TEX15: variants seen among roughly 807,000 people sequenced by gnomAD.
TEX15 encodes testis-expressed protein 15.
TEX15 carries 171 observed loss-of-function variants against 237.3 expected under a neutral mutation model. That is an observed-to-expected ratio of 0.72 (90% CI 0.64 to 0.82). The LOEUF is 0.82. Among genes scored for constraint, TEX15 ranks in the 40% least tolerant of loss-of-function variants. TEX15 has a pLI of 0.00. For synonymous variants in TEX15, 1,338 were observed against 1,269.8 expected (o/e 1.05, Z -1.14); for missense variants, 3,750 against 3,646.5 (o/e 1.03, Z -0.73).
In TEX15 at chr8:30,833,064, C is replaced by T. The variant is rs1807216077; in HGVS notation, c.*222G>A. 1 of 404,220 alleles carries T rather than the reference C, an allele frequency of 2.5e-6. No individual in the cohort carries two copies. The highest frequency in any genetic ancestry group is 4.3e-5 in the Admixed American group (1 of 23,050). The allele number at this position is 404,220 out of a possible 1,614,324, so 25.0% of individuals were successfully genotyped here. A position where few individuals can be genotyped will look rare whatever the true frequency, so the allele number is the denominator to read the frequency against. On this transcript the variant is annotated 3_prime_UTR_variant, in exon 11 of 11. Transcript: ENST00000643185. Reference sequence around the variant, plus strand: ...GCTTAACTTTGATCATATTACCCTCCCCTTATAATTGCATGGAAATAATTC... The same window carrying T: ...GCTTAACTTTGATCATATTACCCTCTCCTTATAATTGCATGGAAATAATTC...
Position 30,859,988 on chromosome 8 carries a change from G to C in TEX15, c.610C>G (p.Pro204Ala). Residue 204 changes from proline to alanine, a missense_variant, in exon 6 of 11, where the codon CCT becomes GCT. Transcript: ENST00000643185. ...DKNKVSLDPSPNFDCHMSRNA... is the reference protein window; with the variant it reads ...DKNKVSLDPSANFDCHMSRNA... ...CTTGACATATGGCAATCAAAGTTAG[G>C]AGAAGGATCCAAAGAAACTTTATTT... is the stretch of plus-strand genomic sequence containing the variant. 1 of 1,517,834 alleles carries C rather than the reference G, an allele frequency of 6.6e-7. No homozygotes were observed. Among genetic ancestry groups the C allele is most frequent in the Non-Finnish European group, 8.8e-7 (1 of 1,140,282 alleles). The allele number at this position is 1,517,834 out of a possible 1,614,324, so 94.0% of individuals were successfully genotyped here.
rs1263733631 is a variant in TEX15 at position 30,883,384 on chromosome 8, T to A, written c.136+3783A>T. On this transcript the variant is annotated intron_variant, in intron 3 of 10. Coordinates refer to ENST00000643185, the MANE Select transcript of TEX15 (RefSeq NM_001350162.2). ...TCAGTATTTTCTTTTTTTTTTAATT[T>A]TTTATTTTACTTTAAGTTCTGGGGT... Among the ~76,000 whole-genome samples, 3 of 152,270 alleles carry A rather than the reference T, an allele frequency of 2.0e-5. No homozygotes were observed. The East Asian group carries it at 5.8e-4, about 29-fold the overall frequency.
Position 30,847,262 on chromosome 8 carries a change from A to C in TEX15, c.2905T>G (p.Phe969Val). The change falls in exon 8 of 11, where the codon TTT becomes GTT. Residue 969 changes from phenylalanine to valine, a missense_variant. Coordinates refer to ENST00000643185, the MANE Select transcript of TEX15 (RefSeq NM_001350162.2). ...RSVEHLASTTFPKTASSSVCV... is the reference protein window; with the variant it reads ...RSVEHLASTTVPKTASSSVCV... ...ACTGAAGAACTTGCAGTTTTGGGAA[A>C]TGTCGTGGAAGCCAAATGCTCTACA... 2 of 1,613,878 alleles carry C rather than the reference A, an allele frequency of 1.2e-6. No individual in the cohort carries two copies. The highest frequency in any genetic ancestry group is 2.2e-5 in the South Asian group (2 of 91,066).
At chr8:30,839,430 T>TA (rs11350429) in intron 9 of TEX15, among the ~76,000 whole-genome samples, 42 of 149,808 alleles carry the variant, frequency 2.8e-4, no homozygotes, top group Middle Eastern at 3.5e-3. Flanking sequence ...ATGCACAAGT[T>TA]AAAAAAAAAA....
intron 4 of TEX15, among the ~76,000 whole-genome samples, chr8:30,871,100 C>T (rs986064711): frequency 6.6e-6 from 1 of 152,024 alleles, no homozygotes; most frequent in African/African-American, 2.4e-5. Flanking sequence ...ATCCATTCTT[C>T]TGCCTCCCTC....
In TEX15 at chr8:30,899,790, C is replaced by T. The variant is rs1004266792; in HGVS notation, c.-85-973G>A. ...GAGGCATTTAAACCCTAACTCTGAC[C>T]GTATGCACCATGGAGACAACAGAAA... On this transcript the variant is annotated intron_variant, in intron 1 of 10. Coordinates refer to ENST00000643185, the MANE Select transcript of TEX15 (RefSeq NM_001350162.2). Among the ~76,000 whole-genome samples, 8 of 152,078 alleles carry T rather than the reference C, an allele frequency of 5.3e-5. No individual in the cohort carries two copies. In the South Asian group the frequency reaches 6.2e-4, roughly 12 times the overall value.
At position 30,848,547 on chromosome 8, in the gene TEX15, G is replaced by A; in HGVS notation, c.1620C>T (p.Phe540=). 6.2e-7 allele frequency: 1 copy of A among 1,614,094 alleles called. No individual in the cohort carries two copies. Among genetic ancestry groups the A allele is most frequent in the South Asian group, 1.1e-5 (1 of 91,078 alleles). The part of the protein sequence containing the change: ...GQCKDQGNFS[F]PISVSNVVSE... The stretch of plus-strand genomic sequence containing the variant: ...ACACTACATTTGACACAGAAATTGG[G>A]AAGGAAAAATTACCTTGGTCCTTAC... Residue 540 remains phenylalanine (F), a synonymous_variant, in exon 8 of 11, where the codon TTC becomes TTT. Coordinates refer to ENST00000643185, the MANE Select transcript of TEX15 (RefSeq NM_001350162.2).
chr8:30,874,282 A>G (rs571914509), intron 4 of TEX15, among the ~76,000 whole-genome samples: 1 of 152,332 alleles, frequency 6.6e-6, no homozygotes, highest in African/African-American at 2.4e-5. Context: ...GTTTTAAGTT[A>G]AACAGTGAGA....
chr8:30,905,919 C>G (rs889243189), intron 1 of TEX15, among the ~76,000 whole-genome samples: 1 of 151,502 alleles, frequency 6.6e-6, no homozygotes, highest in Non-Finnish European at 1.5e-5. Context: ...ACAAAACAAA[C>G]AAGAAAACCC....
At chr8:30,866,164 A>G (rs113771090) in intron 5 of TEX15, among the ~76,000 whole-genome samples, 137 of 152,214 alleles carry the variant, frequency 9.0e-4, no homozygotes, top group Non-Finnish European at 1.7e-3. Context: ...TGAAAAGGAA[A>G]TCAGGAAATC....
intron 5 of TEX15, among the ~76,000 whole-genome samples, chr8:30,861,116 A>C (rs1330703655): frequency 2.0e-5 from 3 of 152,188 alleles, no homozygotes; most frequent in African/African-American, 4.8e-5. Context: ...AAATACTAAA[A>C]ATACAGTATA....
rs867773375 is a variant in TEX15 at position 30,843,823 on chromosome 8, C to T, written c.6344G>A (p.Gly2115Glu). Residue 2115 changes from glycine (G) to glutamate (E), a missense_variant, in exon 8 of 11, where the codon GGA becomes GAA. By Grantham distance (98) the Gly-to-Glu change is moderately conservative. Transcript: ENST00000643185. The stretch of plus-strand genomic sequence containing the variant: ...CTGCTGTTGAAATCCACGTGGTTTT[C>T]CAAGAAGCTCAGCATACAGTGTTTC... ...YDETLYAELL[G>E]KPRGFQQQSN... 1 of 1,612,848 alleles carries T rather than the reference C, an allele frequency of 6.2e-7. No homozygotes were observed.
intron 9 of TEX15, among the ~76,000 whole-genome samples, 194 bp from the exon 10 acceptor site, chr8:30,838,255 C>A (rs759421738): frequency 8.5e-5 from 13 of 152,084 alleles, no homozygotes; most frequent in Non-Finnish European, 1.3e-4. Context: ...ACTTTTCCTA[C>A]TGAAGATGAT....
intron 4 of TEX15, among the ~76,000 whole-genome samples, chr8:30,870,645 C>T (rs970437502): frequency 2.0e-5 from 3 of 151,896 alleles, no homozygotes; most frequent in African/African-American, 7.3e-5. Flanking sequence ...GTGATAAGAA[C>T]TCAGTATCCA....
intron 4 of TEX15, among the ~76,000 whole-genome samples, chr8:30,874,247 T>G (rs1004261861): frequency 6.6e-6 from 1 of 152,148 alleles, no homozygotes; most frequent in Non-Finnish European, 1.5e-5. Flanking sequence ...GAGTTCCACA[T>G]GTGGGTCTAT....
rs772121158 is a variant in TEX15, at chr8:30,836,820, T to C, written c.9464A>G (p.Glu3155Gly). 1.2e-6 allele frequency: 2 copies of C among 1,606,006 alleles called. No homozygotes were observed. Among genetic ancestry groups the C allele is most frequent in the Non-Finnish European group, 1.7e-6 (2 of 1,176,500 alleles). The change falls in exon 10 of 11, where the codon GAA becomes GGA. Residue 3155 changes from glutamate to glycine, a missense_variant. Physicochemically the swap from Glu to Gly is moderately conservative, Grantham distance 98. Transcript: ENST00000643185. ...PYLPNRFVPP[E>G]VPWVYAPWHQ... ...AAACTCACCATAAACCCAAGGAACT[T>C]CTGGAGGCACAAATCGATTAGGAAG...
intron 4 of TEX15, among the ~76,000 whole-genome samples, chr8:30,871,711 C>T (rs2128772599): frequency 6.6e-6 from 1 of 152,234 alleles, no homozygotes; most frequent in South Asian, 2.1e-4. Flanking sequence ...ACACAAAGCA[C>T]TTTCAATCCA....
At position 30,837,931 on chromosome 8, in the gene TEX15, C is replaced by CT. The variant is rs752580272; in HGVS notation, c.8352dup (p.Glu2785ArgfsTer22). On this transcript the variant is annotated frameshift_variant, in exon 10 of 11. Transcript: ENST00000643185. LOFTEE classifies it high-confidence loss of function. ...GATGCGCAAGTGTCTTTTGGGTTCT[C>CT]TAAGGGTAAAAGTGAGCCAGGTAGT... 7 of 1,614,148 alleles carry CT rather than the reference C, an allele frequency of 4.3e-6. No homozygotes were observed. The highest frequency in any genetic ancestry group is 5.9e-6 in the Non-Finnish European group (7 of 1,180,022).
In TEX15 at chr8:30,835,442, T is replaced by C. The variant is rs554989099; in HGVS notation, c.9481+1361A>G. Among the ~76,000 whole-genome samples, 54 of 152,230 alleles carry C rather than the reference T, an allele frequency of 3.5e-4. No homozygotes were observed. In the Middle Eastern group the frequency reaches 0.01, roughly 29 times the overall value. ...AAAAATAATTAGCTGGACATGGTGATGCATGCCTGTAGTTCCAGCTACTTG... is the reference window on the plus strand; with the variant it reads ...AAAAATAATTAGCTGGACATGGTGACGCATGCCTGTAGTTCCAGCTACTTG... On this transcript the variant is annotated intron_variant, in intron 10 of 10. Coordinates refer to ENST00000643185, the MANE Select transcript of TEX15 (RefSeq NM_001350162.2).
Sources: allele counts gnomAD v4.1 joint callset (sites outside exome capture counted in the v4.1 genomes callset), GRCh38; gene constraint gnomAD v4.1.1; transcripts MANE v1.5; gene names NCBI Gene and HGNC (gene_info 2026-07-23, HGNC 2026-07-21).